The following TMEM108 variants were observed in gnomAD, a reference collection of about 807,000 sequenced individuals.
TMEM108 encodes cancer/testis antigen 124.
A neutral mutation model predicts 35.1 loss-of-function variants in TMEM108; 12 were observed. That is an observed-to-expected ratio of 0.34 (90% CI 0.22 to 0.55). The LOEUF is 0.55. Ranked by LOEUF, TMEM108 falls within the 20% of genes least tolerant of loss-of-function variation. The pLI, the probability that TMEM108 is intolerant of heterozygous loss-of-function variation, is 0.89. For synonymous variants in TMEM108, 287 were observed against 308.6 expected, an observed-to-expected ratio of 0.93 and a Z score of 0.73; for missense variants, 680 against 753.3, an observed-to-expected ratio of 0.90 and a Z score of 1.14.
At chr3:133,229,745 GAGGAAATGGT>G in intron 3 of TMEM108, among the ~76,000 whole-genome samples, 1 of 152,312 alleles carries the variant, frequency 6.6e-6, no homozygotes, top group East Asian at 1.9e-4. Context: ...TCCTCATGAA[GAGGAAATGGT>G]AGGTTGTATT....
chr3:133,096,520 G>A (rs2107711455), intron 2 of TMEM108, among the ~76,000 whole-genome samples: 1 of 152,242 alleles, frequency 6.6e-6, no homozygotes. Context: ...TCTACTAATT[G>A]ATCAGCACAG....
chr3:133,181,366 A>G (rs1233580643), intron 2 of TMEM108, among the ~76,000 whole-genome samples: 2 of 152,222 alleles, frequency 1.3e-5, no homozygotes, highest in African/African-American at 4.8e-5. Context: ...ACTAGGGGCT[A>G]CATTATTCCT....
chr3:133,318,336 T>A (rs1189255485), intron 3 of TMEM108, among the ~76,000 whole-genome samples: 1 of 152,266 alleles, frequency 6.6e-6, no homozygotes, highest in Non-Finnish European at 1.5e-5. Flanking sequence ...GTAACTGGTT[T>A]ACATCTCAAG....
intron 3 of TMEM108, among the ~76,000 whole-genome samples, chr3:133,301,821 G>C (rs1355446985): frequency 6.6e-6 from 1 of 152,080 alleles, no homozygotes; most frequent in East Asian, 1.9e-4. Flanking sequence ...TAGAATCATG[G>C]TTTAAGCTTT....
chr3:133,355,666 G>A (rs2072142525), intron 3 of TMEM108, among the ~76,000 whole-genome samples: 1 of 152,166 alleles, frequency 6.6e-6, no homozygotes, highest in Non-Finnish European at 1.5e-5. Context: ...ACGGAACAAA[G>A]GAAAGAAGAC....
chr3:133,267,391 C>G (rs1460956850), intron 3 of TMEM108, among the ~76,000 whole-genome samples: 1 of 152,128 alleles, frequency 6.6e-6, no homozygotes, highest in African/African-American at 2.4e-5. Flanking sequence ...AAGAAAACGT[C>G]AATTAAGGCT....
intron 2 of TMEM108, among the ~76,000 whole-genome samples, chr3:133,169,793 T>G (rs1036359367): frequency 6.6e-6 from 1 of 152,170 alleles, no homozygotes; most frequent in Non-Finnish European, 1.5e-5. Flanking sequence ...TCTGTGGGAC[T>G]TAGAAAAAGC....
chr3:133,308,454 T>C (rs986951435), intron 3 of TMEM108, among the ~76,000 whole-genome samples: 6 of 152,160 alleles, frequency 3.9e-5, no homozygotes, highest in Non-Finnish European at 8.8e-5. Context: ...TCAAAGGGAA[T>C]GCTTCCAGTT....
At chr3:133,196,884 G>A (rs1316967856) in intron 2 of TMEM108, among the ~76,000 whole-genome samples, 1 of 152,178 alleles carries the variant, frequency 6.6e-6, no homozygotes, top group African/African-American at 2.4e-5. Flanking sequence ...GAAATCCCGG[G>A]TAGACTTCTC....
chr3:133,218,232 A>G (rs1358510679), intron 2 of TMEM108, among the ~76,000 whole-genome samples: 2 of 151,936 alleles, frequency 1.3e-5, no homozygotes, highest in African/African-American at 4.8e-5. Context: ...ATAGACATGC[A>G]ACTAATTATG....
At chr3:133,100,632 G>A (rs1944075104) in intron 2 of TMEM108, among the ~76,000 whole-genome samples, 1 of 152,074 alleles carries the variant, frequency 6.6e-6, no homozygotes, top group Non-Finnish European at 1.5e-5. Context: ...TCAAAAGATG[G>A]TGAAGAGTTA....
intron 3 of TMEM108, among the ~76,000 whole-genome samples, chr3:133,379,208 AG>A (rs1161122009): frequency 6.6e-6 from 1 of 152,226 alleles, no homozygotes; most frequent in Admixed American, 6.5e-5. Context: ...GAAGGGACAG[AG>A]GTCTGTTTGC....
chr3:133,078,160 C>T (rs1333460442), intron 2 of TMEM108, among the ~76,000 whole-genome samples: 11 of 23,132 alleles, frequency 4.8e-4, no homozygotes, highest in African/African-American at 3.2e-3. Flanking sequence ...TGTGTGTGTG[C>T]ACGCGCGCGC....
chr3:133,296,357 TA>T (rs1287113452), intron 3 of TMEM108, among the ~76,000 whole-genome samples: 4 of 152,198 alleles, frequency 2.6e-5, no homozygotes, highest in Non-Finnish European at 5.9e-5. Flanking sequence ...TTTGCATTCT[TA>T]AAACAGGAAT....
chr3:133,061,430 GTCTCCATCTCCTGACCTCGTGAT>G (rs1943534079), intron 2 of TMEM108, among the ~76,000 whole-genome samples: 1 of 152,010 alleles, frequency 6.6e-6, no homozygotes, highest in African/African-American at 2.4e-5. Context: ...AGCCAAGATG[GTCTCCATCTCCTGACCTCGTGAT>G]CCTCCCGCCT....
chr3:133,149,010 C>CAAAAA (rs1388628930), intron 2 of TMEM108, among the ~76,000 whole-genome samples: 2 of 151,936 alleles, frequency 1.3e-5, no homozygotes, highest in Non-Finnish European at 2.9e-5. Flanking sequence ...CAAAACAAAA[C>CAAAAA]AAAAACAACA....
At chr3:133,370,646 T>G (rs754891891) in intron 3 of TMEM108, among the ~76,000 whole-genome samples, 2 of 152,190 alleles carry the variant, frequency 1.3e-5, no homozygotes, top group African/African-American at 2.4e-5. Context: ...TTTTATTTTA[T>G]CAGAGGCTGA....
chr3:133,201,706 G>A lies in TMEM108; in HGVS notation c.-46-27560G>A, dbSNP rs778043069. ...TTCTTTATCTAGTCTATCATTGATGGTCATTTGGGTTGGTTCCAAGTCTTT... is the reference window on the plus strand; with the variant it reads ...TTCTTTATCTAGTCTATCATTGATGATCATTTGGGTTGGTTCCAAGTCTTT... On this transcript the variant is annotated intron_variant, in intron 2 of 5. Transcript: ENST00000321871. Among the ~76,000 whole-genome samples the A allele has an allele frequency of 2.0e-5, 3 of 152,072 alleles. No individual in the cohort carries two copies. In the East Asian group the frequency reaches 5.8e-4, roughly 29 times the overall value.
At chr3:133,072,207 C>T (rs1943684296) in intron 2 of TMEM108, among the ~76,000 whole-genome samples, 1 of 152,040 alleles carries the variant, frequency 6.6e-6, no homozygotes, top group Non-Finnish European at 1.5e-5. Context: ...GGAAAGAGAT[C>T]CCTGCAAATG....
Sources: allele counts gnomAD v4.1 joint callset (sites outside exome capture counted in the v4.1 genomes callset), GRCh38; gene constraint gnomAD v4.1.1; transcripts MANE v1.5; gene names NCBI Gene and HGNC (gene_info 2026-07-23, HGNC 2026-07-21).